SLC35F4: variants seen among roughly 807,000 people sequenced by gnomAD.
SLC35F4 encodes the protein solute carrier family 35 member F4, also known as chromosome 14 open reading frame 36.
SLC35F4 carries 24 observed loss-of-function variants against 44.2 expected under a neutral mutation model. The ratio of observed to expected loss-of-function variants is 0.54; its 90% CI spans 0.39 to 0.76. The LOEUF (loss-of-function observed/expected upper bound fraction) is 0.76, where lower values mean the gene tolerates loss of function less well. SLC35F4 is among the 30% of genes least tolerant of loss of function. The pLI is 0.00. For synonymous variants in SLC35F4, 238 were observed against 223.6 expected, an observed-to-expected ratio of 1.06 and a Z score of -0.57; for missense variants, 562 against 586.1, an observed-to-expected ratio of 0.96 and a Z score of 0.42.
intron 1 of SLC35F4, among the ~76,000 whole-genome samples, chr14:57,885,042 T>C (rs554988466): frequency 1.9e-4 from 29 of 152,310 alleles, no homozygotes; most frequent in Middle Eastern, 3.4e-3. Flanking sequence ...TGCAACTTTT[T>C]TTTCCCATTA....
chr14:57,883,376 T>C (rs921845472), intron 1 of SLC35F4, among the ~76,000 whole-genome samples: 5 of 152,186 alleles, frequency 3.3e-5, no homozygotes, highest in Non-Finnish European at 7.3e-5. Flanking sequence ...CTGTGGTAGT[T>C]ACTCTGCAAT....
chr14:57,765,985 C>T (rs1029021464), intron 1 of SLC35F4, among the ~76,000 whole-genome samples: 5 of 152,134 alleles, frequency 3.3e-5, no homozygotes, highest in Admixed American at 2.0e-4. Flanking sequence ...AAGAGGCCAC[C>T]GGAGCCACTG....
chr14:57,928,603 A>C (rs1409635049), intron 1 of SLC35F4, among the ~76,000 whole-genome samples: 2 of 152,242 alleles, frequency 1.3e-5, no homozygotes, highest in Admixed American at 6.5e-5. Flanking sequence ...TAGTTAAAAC[A>C]GAAAGGTTTC....
chr14:57,813,724 C>A (rs927503458), intron 1 of SLC35F4, among the ~76,000 whole-genome samples: 1 of 152,134 alleles, frequency 6.6e-6, no homozygotes, highest in Non-Finnish European at 1.5e-5. Context: ...AGTTGCACAG[C>A]ATCAGTGGGT....
chr14:57,827,163 GA>G (rs1883871721), intron 1 of SLC35F4, among the ~76,000 whole-genome samples: 1 of 152,156 alleles, frequency 6.6e-6, no homozygotes, highest in African/African-American at 2.4e-5. Context: ...ATTTACCATG[GA>G]ATCCTATGCA....
chr14:57,880,045 GAA>G (rs1888493710), intron 1 of SLC35F4, among the ~76,000 whole-genome samples: 2 of 3,304 alleles, frequency 6.1e-4, no homozygotes, highest in African/African-American at 2.3e-3. Context: ...AGGAAGGAAG[GAA>G]GGAAGGAAGG....
chr14:57,767,868 G>A (rs1392387654), intron 1 of SLC35F4, among the ~76,000 whole-genome samples: 1 of 151,940 alleles, frequency 6.6e-6, no homozygotes, highest in East Asian at 1.9e-4. Context: ...AATAGTAAGG[G>A]AATCCTACCA....
At chr14:57,637,818 C>T (rs2073073835) in intron 1 of SLC35F4, among the ~76,000 whole-genome samples, 1 of 151,950 alleles carries the variant, frequency 6.6e-6, no homozygotes, top group African/African-American at 2.4e-5. Flanking sequence ...CTGAATGAAC[C>T]CCTCTTGGCA....
At chr14:57,892,076 AT>A (rs1387276205) in intron 1 of SLC35F4, among the ~76,000 whole-genome samples, 1 of 152,226 alleles carries the variant, frequency 6.6e-6, no homozygotes, top group East Asian at 1.9e-4. Flanking sequence ...TCAAAAATTC[AT>A]GTGTTCATTT....
intron 3 of SLC35F4, among the ~76,000 whole-genome samples, chr14:57,584,847 A>G (rs1204916006): frequency 6.6e-6 from 1 of 152,168 alleles, no homozygotes; most frequent in African/African-American, 2.4e-5. Flanking sequence ...TTTTAAATCA[A>G]TGTGTGTCTA....
intron 1 of SLC35F4, among the ~76,000 whole-genome samples, chr14:57,856,821 G>A (rs994396492): frequency 6.6e-6 from 1 of 152,132 alleles, no homozygotes; most frequent in African/African-American, 2.4e-5. Flanking sequence ...TAGTAATAGA[G>A]AATTTCATAA....
intron 1 of SLC35F4, among the ~76,000 whole-genome samples, chr14:57,684,199 G>A (rs2074998011): frequency 6.6e-6 from 1 of 152,052 alleles, no homozygotes; most frequent in South Asian, 2.1e-4. Flanking sequence ...GGATGATATT[G>A]CCACCTTCTT....
Position 57,681,378 on chromosome 14 carries a change from G to A in SLC35F4, c.104-87254C>T, listed in dbSNP as rs144529777. ...CCTTATACGTAAATTAACTCTAGATGGATTAAAGACTTAAAGGTAAGTCCT... is the reference window on the plus strand; with the variant it reads ...CCTTATACGTAAATTAACTCTAGATAGATTAAAGACTTAAAGGTAAGTCCT... On this transcript the variant is annotated intron_variant, in intron 1 of 7. Coordinates refer to ENST00000556826, the MANE Select transcript of SLC35F4 (RefSeq NM_001306087.2). Among the ~76,000 whole-genome samples the A allele has an allele frequency of 1.2e-3, 182 of 152,072 alleles. 3 individuals are homozygous for A. The East Asian group carries it at 0.031, about 26-fold the overall frequency.
At chr14:57,766,601 A>G (rs949780833) in intron 1 of SLC35F4, among the ~76,000 whole-genome samples, 9 of 152,214 alleles carry the variant, frequency 5.9e-5, no homozygotes, top group African/African-American at 1.4e-4. Flanking sequence ...ACAGTGTATG[A>G]CAGTCAGGTG....
intron 1 of SLC35F4, among the ~76,000 whole-genome samples, chr14:57,751,930 CTCTCTCTG>C (rs1346462707): frequency 6.7e-6 from 1 of 150,168 alleles, no homozygotes; most frequent in Non-Finnish European, 1.5e-5. Flanking sequence ...CTCTCTCTCT[CTCTCTCTG>C]TGTGTGTGTG....
intron 1 of SLC35F4, among the ~76,000 whole-genome samples, chr14:57,607,221 C>T (rs1280798546): frequency 2.0e-5 from 3 of 152,084 alleles, no homozygotes; most frequent in South Asian, 2.1e-4. Context: ...ATATTTATGC[C>T]TTGTTCATTA....
chr14:57,864,655 T>TC (rs1159855550), intron 1 of SLC35F4, among the ~76,000 whole-genome samples: 1 of 152,190 alleles, frequency 6.6e-6, no homozygotes, highest in African/African-American at 2.4e-5. Flanking sequence ...ACCCCAAATG[T>TC]CATAGAAAAA....
At chr14:57,795,097 G>T (rs75906023) in intron 1 of SLC35F4, among the ~76,000 whole-genome samples, 1,706 of 152,178 alleles carry the variant, frequency 0.011, 8 homozygotes, top group Non-Finnish European at 0.013. Context: ...ATTTAAATGA[G>T]CTAATGTGTG....
At chr14:57,811,906 C>T (rs984247044) in intron 1 of SLC35F4, among the ~76,000 whole-genome samples, 3 of 152,136 alleles carry the variant, frequency 2.0e-5, no homozygotes, top group African/African-American at 7.2e-5. Context: ...TGCTGGAGCC[C>T]AGACATTTGA....
Sources: allele counts gnomAD v4.1 joint callset (sites outside exome capture counted in the v4.1 genomes callset), GRCh38; gene constraint gnomAD v4.1.1; transcripts MANE v1.5; gene names NCBI Gene and HGNC (gene_info 2026-07-23, HGNC 2026-07-21).